The following PCDH15 variants were observed in gnomAD, a reference collection of about 807,000 sequenced individuals.
PCDH15 encodes the protein protocadherin-15.
A neutral mutation model predicts 178.5 loss-of-function variants in PCDH15; 129 were observed. The ratio of observed to expected loss-of-function variants is 0.72; its 90% CI spans 0.63 to 0.84. The LOEUF is 0.84. PCDH15 is among the 40% of genes least tolerant of loss of function. The pLI, the probability that PCDH15 is intolerant of heterozygous loss-of-function variation, is 0.00. For synonymous variants in PCDH15, 800 were observed against 732.0 expected (o/e 1.09, Z -1.50); for missense variants, 2,230 against 2,099.9 (o/e 1.06, Z -1.21).
At chr10:54,934,285 C>T (rs1837851065) in intron 2 of PCDH15, among the ~76,000 whole-genome samples, 1 of 152,034 alleles carries the variant, frequency 6.6e-6, no homozygotes, top group Non-Finnish European at 1.5e-5. Context: ...GATTTTAAAA[C>T]ACATGACATG....
At chr10:55,268,983 T>C (rs1222871037) in intron 1 of PCDH15, among the ~76,000 whole-genome samples, 24 of 152,114 alleles carry the variant, frequency 1.6e-4, no homozygotes, top group Admixed American at 1.5e-3. Context: ...GTCCAACATA[T>C]GCAAATCAAT....
chr10:54,782,122 C>T (rs915552612), intron 1 of PCDH15, among the ~76,000 whole-genome samples: 40 of 151,964 alleles, frequency 2.6e-4, no homozygotes, highest in South Asian at 2.1e-4. Flanking sequence ...TGCAGAACAG[C>T]TGATTTAGTA....
Position 54,153,151 on chromosome 10 carries a change from G to A in PCDH15, c.1733C>T (p.Thr578Ile), listed in dbSNP as rs2044713452. The A allele has an allele frequency of 1.2e-6, 2 of 1,613,920 alleles. No individual in the cohort carries two copies. Among genetic ancestry groups the A allele is most frequent in the Non-Finnish European group, 8.5e-7 (1 of 1,179,896 alleles). The part of the protein sequence containing the change: ...APGVEMIVGR[T>I]YALTVQAADN... Reference sequence around the variant, plus strand: ...CGCTGCTTGGACCGTGAGTGCGTAAGTCCGCCCGACTATCATTTCCACCCC... The same window carrying A: ...CGCTGCTTGGACCGTGAGTGCGTAAATCCGCCCGACTATCATTTCCACCCC... The change falls in exon 14 of 38, where the codon ACT becomes ATT. Residue 578 changes from threonine (T) to isoleucine (I), a missense_variant. Thr to Ile is a moderately conservative substitution (Grantham distance 89). Coordinates refer to ENST00000644397, the MANE Select transcript of PCDH15 (RefSeq NM_001384140.1).
intron 2 of PCDH15, among the ~76,000 whole-genome samples, chr10:54,659,039 CAAAG>C (rs1458577946): frequency 6.6e-6 from 1 of 151,916 alleles, no homozygotes; most frequent in African/African-American, 2.4e-5. Context: ...AAAAAAAAGA[CAAAG>C]AAAGATACAA....
At chr10:54,483,535 T>A (rs1051793764) in intron 3 of PCDH15, among the ~76,000 whole-genome samples, 5 of 151,802 alleles carry the variant, frequency 3.3e-5, no homozygotes, top group African/African-American at 1.2e-4. Context: ...TAAATTGAGA[T>A]TCTCAGTGAG....
intron 1 of PCDH15, among the ~76,000 whole-genome samples, chr10:54,691,326 G>T (rs749957371): frequency 1.4e-4 from 21 of 152,112 alleles, no homozygotes; most frequent in Middle Eastern, 3.4e-3. Flanking sequence ...GGCTGGGGAA[G>T]TCAATAACCA....
At chr10:54,314,130 TACACACAC>T (rs58949602) in intron 8 of PCDH15, among the ~76,000 whole-genome samples, 40,610 of 149,670 alleles carry the variant, frequency 0.27, 6,246 homozygotes, top group Middle Eastern at 0.38. Flanking sequence ...TAATTGGAAG[TACACACAC>T]ACACACACAC....
intron 3 of PCDH15, among the ~76,000 whole-genome samples, chr10:54,849,503 T>C (rs1450249194): frequency 6.6e-6 from 1 of 152,226 alleles, no homozygotes; most frequent in Non-Finnish European, 1.5e-5. Context: ...CAGGTTGTTC[T>C]GCCCTTTGTC....
At chr10:54,336,724 A>G (rs1941239300) in intron 6 of PCDH15, among the ~76,000 whole-genome samples, 2 of 152,242 alleles carry the variant, frequency 1.3e-5, no homozygotes, top group African/African-American at 4.8e-5. Flanking sequence ...CTGCTAGGGC[A>G]GCATGGAAAG....
chr10:55,184,217 T>G lies in PCDH15; in HGVS notation c.-155-17566A>C, dbSNP rs192569266. ...GCTGAAAACCACAAAGCACTGGTGGTAGCTGGTGAGGCTGGTGGAACAATG... is the reference window on the plus strand; with the variant it reads ...GCTGAAAACCACAAAGCACTGGTGGGAGCTGGTGAGGCTGGTGGAACAATG... On this transcript the variant is annotated intron_variant, in intron 1 of 5. Transcript: ENST00000458638. 2.0e-3 allele frequency among the ~76,000 whole-genome samples: 305 copies of G among 152,038 alleles called. 4 individuals are homozygous for G. The highest frequency in any genetic ancestry group is 6.2e-4 in the Non-Finnish European group (42 of 67,932).
chr10:54,752,989 A>G (rs1946553408), intron 1 of PCDH15, among the ~76,000 whole-genome samples: 1 of 152,224 alleles, frequency 6.6e-6, no homozygotes, highest in South Asian at 2.1e-4. Flanking sequence ...TTGACAATAT[A>G]ATTCTATGCC....
At chr10:54,986,280 GA>G in intron 2 of PCDH15, among the ~76,000 whole-genome samples, 1 of 151,374 alleles carries the variant, frequency 6.6e-6, no homozygotes, top group Non-Finnish European at 1.5e-5. Flanking sequence ...ACAAAAACTT[GA>G]AACATGTAGG....
At chr10:55,159,075 C>G (rs1247548601) in intron 2 of PCDH15, among the ~76,000 whole-genome samples, 1 of 152,010 alleles carries the variant, frequency 6.6e-6, no homozygotes, top group South Asian at 2.1e-4. Context: ...TCCTCAGTGG[C>G]TAAATGACTT....
At chr10:54,054,692 C>T (rs1192868527) in intron 18 of PCDH15, among the ~76,000 whole-genome samples, 1 of 151,996 alleles carries the variant, frequency 6.6e-6, no homozygotes. Context: ...TATTTATGAG[C>T]TGCTAATTGA....
chr10:55,228,083 GTATT>G (rs1280718471), intron 1 of PCDH15, among the ~76,000 whole-genome samples: 1 of 151,986 alleles, frequency 6.6e-6, no homozygotes, highest in East Asian at 1.9e-4. Context: ...TTCATGCACT[GTATT>G]TATTTCAATT....
chr10:54,424,710 G>A (rs1956029098), intron 3 of PCDH15, among the ~76,000 whole-genome samples: 1 of 151,898 alleles, frequency 6.6e-6, no homozygotes, highest in African/African-American at 2.4e-5. Flanking sequence ...TCCTTTGTAG[G>A]GACATGGATG....
chr10:54,698,673 TAAAATG>T (rs1013263030), intron 1 of PCDH15, among the ~76,000 whole-genome samples: 2 of 152,122 alleles, frequency 1.3e-5, no homozygotes, highest in Non-Finnish European at 2.9e-5. Context: ...TTATCACTTG[TAAAATG>T]AAGATAATAA....
At chr10:54,232,709 G>A (rs1406674200) in intron 9 of PCDH15, among the ~76,000 whole-genome samples, 1 of 151,972 alleles carries the variant, frequency 6.6e-6, no homozygotes. Context: ...ATTTCTCTAA[G>A]CTAAATAGAA....
intron 1 of PCDH15, among the ~76,000 whole-genome samples, chr10:54,729,855 A>G (rs926900007): frequency 2.0e-5 from 3 of 151,688 alleles, no homozygotes; most frequent in Non-Finnish European, 4.4e-5. Flanking sequence ...ATGAGATAGT[A>G]TCTTACAACG....
Sources: gnomAD v4.1 joint callset for allele counts (sites outside exome capture counted in the v4.1 genomes callset) on GRCh38, gnomAD v4.1.1 for gene constraint, MANE v1.5 for transcripts, NCBI Gene and HGNC (gene_info 2026-07-23, HGNC 2026-07-21) for gene names.